Variants in ZFP3 observed in about 807,000 individuals in gnomAD.
The protein encoded by ZFP3 is ZFP3 zinc finger protein.
ZFP3 carries 18 observed loss-of-function variants against 36.7 expected under a neutral mutation model. The ratio of observed to expected loss-of-function variants is 0.49; its 90% CI spans 0.34 to 0.73. The LOEUF is 0.73. Among genes scored for constraint, ZFP3 ranks in the 30% least tolerant of loss-of-function variants. The pLI is 0.01. For synonymous variants in ZFP3, 218 were observed against 199.0 expected, an observed-to-expected ratio of 1.10 and a Z score of -0.81; for missense variants, 495 against 599.0, an observed-to-expected ratio of 0.83 and a Z score of 1.81.
intron 1 of ZFP3, 112 bp from the exon 2 acceptor site, chr17:5,091,385 C>A: frequency 8.2e-7 from 1 of 1,215,772 alleles, no homozygotes; most frequent in Non-Finnish European, 1.1e-6. Context: ...CTCCCCTGAC[C>A]AAGACTGTTT....
Position 5,092,869 on chromosome 17 carries a change from G to T in ZFP3, c.1365G>T (p.Glu455Asp), listed in dbSNP as rs755934223. 4 of 1,614,176 alleles carry T rather than the reference G, an allele frequency of 2.5e-6. No individual in the cohort carries two copies. Among genetic ancestry groups the T allele is most frequent in the Middle Eastern group, 3.3e-4 (2 of 6,062 alleles). Residue 455 changes from glutamate to aspartate, a missense_variant, in exon 2 of 2, where the codon GAG (glutamate) becomes GAT (aspartate). Around this residue, in one of 3 missense-constraint regions of ZFP3, gnomAD observed 163 missense variants for 178.4 expected, o/e 0.91. Coordinates refer to ENST00000318833, the MANE Select transcript of ZFP3 (RefSeq NM_153018.3). This position sits in a 1 kb window ranked among gnomAD's most constrained non-coding sequence, Gnocchi z 5.0. ...AACCTTATGAATGTAGCGAGTGTGA[G>T]AAAACATTTAGCCAGCATTCCCAAC... ...GEKPYECSECEKTFSQHSQLI... is the reference protein window; with the variant it reads ...GEKPYECSECDKTFSQHSQLI...
chr17:5,082,880 T>C (rs1448628231), intron 1 of ZFP3, among the ~76,000 whole-genome samples: 1 of 152,208 alleles, frequency 6.6e-6, no homozygotes, highest in Non-Finnish European at 1.5e-5. Flanking sequence ...TATGCCGTAA[T>C]GTTTTACTAC....
At chr17:5,087,659 G>A (rs2072128418) in intron 1 of ZFP3, among the ~76,000 whole-genome samples, 1 of 152,166 alleles carries the variant, frequency 6.6e-6, no homozygotes, top group Admixed American at 6.5e-5. Flanking sequence ...TGGGCCTGAA[G>A]AGAGAGGAGG....
rs1378551058 is a variant in ZFP3 at position 5,091,585 on chromosome 17, A to T, written c.81A>T (p.Lys27Asn). 18 of 1,614,246 alleles carry T rather than the reference A, an allele frequency of 1.1e-5. No individual in the cohort carries two copies. The highest frequency in any genetic ancestry group is 3.3e-4 in the Middle Eastern group (2 of 6,062). The change falls in exon 2 of 2, where the codon AAA (lysine) becomes AAT (asparagine). Residue 27 changes from lysine (K) to asparagine (N), a missense_variant. Lys to Asn is a moderately conservative substitution (Grantham distance 94, BLOSUM62 0). Transcript: ENST00000318833. ...AGCCACATGGGTCATTATTAGAAAA[A>T]TTTCCAAAAGTGGTTTACCAAGGTC... ...ESEPHGSLLE[K>N]FPKVVYQGHE... is the part of the protein sequence containing the mutation.
At position 5,094,215 on chromosome 17, in the gene ZFP3, T is replaced by C. The variant is rs1251433359; in HGVS notation, c.*1202T>C. 1 of 167,116 alleles carries C rather than the reference T, an allele frequency of 6.0e-6. No individual in the cohort carries two copies. Among genetic ancestry groups the C allele is most frequent in the Non-Finnish European group, 1.5e-5 (1 of 68,132 alleles). 10.4% of individuals were successfully genotyped at this position (167,116 alleles called of 1,614,324 possible). A position where few individuals can be genotyped will look rare whatever the true frequency, so the allele number is the denominator to read the frequency against. ...CCCTTGGCCTTGAAATTCTTTTTTC[T>C]TGAATAACTTTAAAAAAATAGAGAT... is the stretch of plus-strand genomic sequence containing the variant. On this transcript the variant is annotated 3_prime_UTR_variant, in exon 2 of 2. Transcript: ENST00000318833.
At chr17:5,085,570 G>A (rs961396598) in intron 1 of ZFP3, among the ~76,000 whole-genome samples, 2 of 151,896 alleles carry the variant, frequency 1.3e-5, no homozygotes, top group Non-Finnish European at 2.9e-5. Context: ...GAGTTTCACT[G>A]TGTTAGCCAG....
intron 1 of ZFP3, among the ~76,000 whole-genome samples, chr17:5,082,594 C>T (rs2072100162): frequency 6.6e-6 from 1 of 152,130 alleles, no homozygotes; most frequent in African/African-American, 2.4e-5. Flanking sequence ...GTGGTGTGAT[C>T]ATAGCTCACT....
intron 1 of ZFP3, among the ~76,000 whole-genome samples, chr17:5,091,170 A>G (rs1469864038): frequency 6.6e-6 from 1 of 152,044 alleles, no homozygotes; most frequent in Non-Finnish European, 1.5e-5. Flanking sequence ...TCCACTGTTT[A>G]GCATGTCCAC....
At chr17:5,086,063 A>C (rs144156964) in intron 1 of ZFP3, among the ~76,000 whole-genome samples, 138 of 152,380 alleles carry the variant, frequency 9.1e-4, no homozygotes, top group Middle Eastern at 3.4e-3. Context: ...ATAATTTTCA[A>C]AGATTTCAAC....
Position 5,093,171 on chromosome 17 carries a change from G to T in ZFP3, c.*158G>T. 1.4e-6 allele frequency: 1 copy of T among 707,204 alleles called. No individual in the cohort carries two copies. Among genetic ancestry groups the T allele is most frequent in the Non-Finnish European group, 2.0e-6 (1 of 495,126 alleles). The allele number at this position is 707,204 out of a possible 1,614,324, so 43.8% of individuals were successfully genotyped here. On this transcript the variant is annotated 3_prime_UTR_variant, in exon 2 of 2. Coordinates refer to ENST00000318833, the MANE Select transcript of ZFP3 (RefSeq NM_153018.3). ...TTAAATAGTTGGTTGAAGAAGATGA[G>T]GCACTTTTTTTTTTTTTTTTTTAAG...
In ZFP3 at chr17:5,095,312, G is replaced by A. The variant is rs571331209; in HGVS notation, c.*2299G>A. On this transcript the variant is annotated 3_prime_UTR_variant, in exon 2 of 2. Coordinates refer to ENST00000318833, the MANE Select transcript of ZFP3 (RefSeq NM_153018.3). Reference sequence around the variant, plus strand: ...TCTAGCAGTCACACTCTTAGTAAGGGAAGTTGTTTGATTTACTTCTTCCCT... The same window carrying A: ...TCTAGCAGTCACACTCTTAGTAAGGAAAGTTGTTTGATTTACTTCTTCCCT... 1.2e-5 allele frequency: 2 copies of A among 167,170 alleles called. No individual in the cohort carries two copies. The highest frequency in any genetic ancestry group is 2.1e-4 in the South Asian group (1 of 4,824). 10.4% of individuals were successfully genotyped at this position (167,170 alleles called of 1,614,324 possible). A position where few individuals can be genotyped will look rare whatever the true frequency, so the allele number is the denominator to read the frequency against.
chr17:5,091,938 A>G lies in ZFP3; in HGVS notation c.434A>G (p.Glu145Gly). 1 of 1,614,198 alleles carries G rather than the reference A, an allele frequency of 6.2e-7. No homozygotes were observed. Among genetic ancestry groups the G allele is most frequent in the Non-Finnish European group, 8.5e-7 (1 of 1,180,032 alleles). ...SVGEKPHTCK[E>G]CGKAFNQNSH... Reference sequence around the variant, plus strand: ...GGAGAAAAGCCTCATACATGTAAAGAATGTGGGAAAGCCTTTAATCAGAAC... The same window carrying G: ...GGAGAAAAGCCTCATACATGTAAAGGATGTGGGAAAGCCTTTAATCAGAAC... The change falls in exon 2 of 2, where the codon GAA (glutamate) becomes GGA (glycine). Residue 145 changes from glutamate (E) to glycine (G), a missense_variant. Physicochemically the swap from Glu to Gly is moderately conservative, Grantham distance 98 (BLOSUM62 -2). Coordinates refer to ENST00000318833, the MANE Select transcript of ZFP3 (RefSeq NM_153018.3).
chr17:5,085,749 T>C (rs1346244270), intron 1 of ZFP3, among the ~76,000 whole-genome samples: 1 of 152,166 alleles, frequency 6.6e-6, no homozygotes, highest in Admixed American at 6.5e-5. Context: ...CTTGTTTTGC[T>C]AAGAAAAAGT....
Position 5,093,655 on chromosome 17 carries a change from T to G in ZFP3, c.*642T>G, listed in dbSNP as rs550013736. The G allele has an allele frequency of 6.0e-6, 1 of 167,146 alleles. No individual in the cohort carries two copies. Among genetic ancestry groups the G allele is most frequent in the Non-Finnish European group, 1.5e-5 (1 of 68,138 alleles). 10.4% of individuals were successfully genotyped at this position (167,146 alleles called of 1,614,324 possible). On this transcript the variant is annotated 3_prime_UTR_variant, in exon 2 of 2. Coordinates refer to ENST00000318833, the MANE Select transcript of ZFP3 (RefSeq NM_153018.3). ...ATTGGAATAATTTAGTAAGCTGTTA[T>G]TAGCTTCAAAGTCGTCCAGCCCTGC...
chr17:5,091,733 A>C lies in ZFP3; in HGVS notation c.229A>C (p.Lys77Gln). 7 of 1,614,208 alleles carry C rather than the reference A, an allele frequency of 4.3e-6. No homozygotes were observed. Among genetic ancestry groups the C allele is most frequent in the Non-Finnish European group, 4.2e-6 (5 of 1,180,032 alleles). Residue 77 changes from lysine to glutamine, a missense_variant, in exon 2 of 2, where the codon AAG becomes CAG. Coordinates refer to ENST00000318833, the MANE Select transcript of ZFP3 (RefSeq NM_153018.3). ...RDFPSGLMIF[K>Q]KSPSSEKDRE... ...CTTTCCATCAGGGTTGATGATCTTT[A>C]AGAAATCACCCTCAAGTGAGAAAGA...
intron 1 of ZFP3, among the ~76,000 whole-genome samples, chr17:5,082,579 G>A (rs2072099816): frequency 6.6e-6 from 1 of 152,134 alleles, no homozygotes; most frequent in South Asian, 2.1e-4. Context: ...CCAGGCTGGA[G>A]TGCAGTGGTG....
chr17:5,084,152 TA>T (rs1335565583), intron 1 of ZFP3, among the ~76,000 whole-genome samples: 28 of 150,922 alleles, frequency 1.9e-4, no homozygotes, highest in Middle Eastern at 6.8e-3. Context: ...AGGCATGAGC[TA>T]CTGTGCCTGG....
chr17:5,085,277 C>G lies in ZFP3; in HGVS notation c.-8-6220C>G, dbSNP rs565943155. 7.9e-5 allele frequency among the ~76,000 whole-genome samples: 12 copies of G among 152,184 alleles called. No homozygotes were observed. The East Asian group carries it at 2.3e-3, about 29-fold the overall frequency. ...TCCAGGCTGGTCTCGAACTCCTGAC[C>G]TCAGGTGGTTCTGCCTGCCTCAGCC... On this transcript the variant is annotated intron_variant, in intron 1 of 1. Coordinates refer to ENST00000318833, the MANE Select transcript of ZFP3 (RefSeq NM_153018.3).
chr17:5,089,189 C>CT (rs576756735), intron 1 of ZFP3, among the ~76,000 whole-genome samples: 3 of 152,160 alleles, frequency 2.0e-5, no homozygotes, highest in Non-Finnish European at 4.4e-5. Flanking sequence ...GCTTATTTCT[C>CT]TCTTAGATAA....
Sources: allele counts gnomAD v4.1 joint callset (sites outside exome capture counted in the v4.1 genomes callset), GRCh38; gene constraint gnomAD v4.1.1; regional missense constraint gnomAD v4.1.1; non-coding constraint Gnocchi (gnomAD v3.1); transcripts MANE v1.5; gene names NCBI Gene and HGNC (gene_info 2026-07-23, HGNC 2026-07-21).